Variants in PPP2R5C observed in about 807,000 individuals in gnomAD.
PPP2R5C encodes the protein protein phosphatase 2 regulatory subunit B'gamma.
In PPP2R5C, 7 loss-of-function variants were observed where a neutral mutation model predicts 68.9. The observed-to-expected ratio is 0.10, with a 90% CI of 0.06 to 0.19. PPP2R5C has a LOEUF of 0.19. Among genes scored for constraint, PPP2R5C ranks in the 10% least tolerant of loss-of-function variants. PPP2R5C has a pLI of 1.00. For synonymous variants in PPP2R5C, 210 were observed against 222.2 expected, an observed-to-expected ratio of 0.95 and a Z score of 0.49; for missense variants, 348 against 641.3, an observed-to-expected ratio of 0.54 and a Z score of 4.94.
At chr14:101,843,198 C>T (rs180991855) in intron 1 of PPP2R5C, among the ~76,000 whole-genome samples, 37 of 152,170 alleles carry the variant, frequency 2.4e-4, no homozygotes, top group Middle Eastern at 6.8e-3. Flanking sequence ...ACTGCACTCC[C>T]GCCTGGGTGA....
chr14:101,761,712 G>T (rs2036545461), upstream of PPP2R5C: 1 of 684,208 alleles, frequency 1.5e-6, no homozygotes, highest in Non-Finnish European at 1.8e-6. Context: ...CGCCGCCGCC[G>T]CCGTGGCTGC....
chr14:101,796,966 C>A, intron 3 of PPP2R5C: 5 of 315,250 alleles, frequency 1.6e-5, no homozygotes, highest in Non-Finnish European at 3.2e-5. Context: ...TTATTTTAAC[C>A]ATTCATAAGT....
At chr14:101,873,524 A>T (rs2043554867) in intron 2 of PPP2R5C, among the ~76,000 whole-genome samples, 1 of 152,082 alleles carries the variant, frequency 6.6e-6, no homozygotes, top group Admixed American at 6.5e-5. Flanking sequence ...TGCCCTATGG[A>T]TTATGAATTT....
In PPP2R5C at chr14:101,877,333, A is replaced by G. The variant is rs950099225; in HGVS notation, c.295-4828A>G. On this transcript the variant is annotated intron_variant, in intron 2 of 13. Coordinates refer to ENST00000334743, the Ensembl canonical transcript of PPP2R5C. The surrounding 1 kb of genome is among the most constrained non-coding windows in gnomAD (Gnocchi z 4.2). Reference sequence around the variant, plus strand: ...CTTCTTCTAGGTGGGAAGAGGGTGTAGAGAGACTGTTTCCATGAGGCTGTG... The same window carrying G: ...CTTCTTCTAGGTGGGAAGAGGGTGTGGAGAGACTGTTTCCATGAGGCTGTG... 6.6e-6 allele frequency among the ~76,000 whole-genome samples: 1 copy of G among 152,076 alleles called. No homozygotes were observed. The highest frequency in any genetic ancestry group is 1.5e-5 in the Non-Finnish European group (1 of 68,016).
chr14:101,867,972 T>A (rs1160587939), intron 2 of PPP2R5C, among the ~76,000 whole-genome samples: 3 of 152,170 alleles, frequency 2.0e-5, no homozygotes, highest in Non-Finnish European at 2.9e-5. Flanking sequence ...TAGGATCTGT[T>A]GGCCGGGTCC....
Position 101,781,986 on chromosome 14 carries a change from TCC to T in PPP2R5C, c.94-4031_94-4030del, listed in dbSNP as rs1226284101. 8.0e-5 allele frequency among the ~76,000 whole-genome samples: 12 copies of T among 149,990 alleles called. No homozygotes were observed. Among genetic ancestry groups the T allele is most frequent in the African/African-American group, 3.0e-4 (12 of 40,618 alleles). On this transcript the variant is annotated intron_variant, in intron 2 of 14. Transcript: ENST00000328724. The surrounding 1 kb of genome is among the most constrained non-coding windows in gnomAD (Gnocchi z 6.4). ...AAGGGAGCCCCTCGCCCTCTCTCTC[TCC>T]TTCCCTCATTCCCTTCATCCTTCTC...
At chr14:101,767,293 A>AT (rs1338745192) in intron 2 of PPP2R5C, among the ~76,000 whole-genome samples, 3 of 152,160 alleles carry the variant, frequency 2.0e-5, no homozygotes, top group Admixed American at 6.5e-5. Flanking sequence ...CGGAAGGGTA[A>AT]TTTTTTTAGA....
chr14:101,765,344 T>G, intron 2 of PPP2R5C: 1 of 676,192 alleles, frequency 1.5e-6, no homozygotes, highest in South Asian at 1.5e-5. Context: ...ATTTGACCTT[T>G]GAGTTGACCC....
At chr14:101,784,989 T>C (rs2038023022) in intron 2 of PPP2R5C, among the ~76,000 whole-genome samples, 1 of 152,174 alleles carries the variant, frequency 6.6e-6, no homozygotes, top group Non-Finnish European at 1.5e-5. Flanking sequence ...GTTCCTCTGC[T>C]TCGTGCATCT....
chr14:101,878,687 G>T (rs575293937), intron 2 of PPP2R5C, among the ~76,000 whole-genome samples: 1 of 152,192 alleles, frequency 6.6e-6, no homozygotes, highest in African/African-American at 2.4e-5. Flanking sequence ...ACTGCAGGCC[G>T]CAGGTGGACT....
chr14:101,767,269 G>A (rs569428928), intron 2 of PPP2R5C, among the ~76,000 whole-genome samples: 17 of 152,282 alleles, frequency 1.1e-4, no homozygotes, highest in African/African-American at 3.6e-4. Context: ...GCCTCAGGTC[G>A]CATAGGTGCT....
intron 9 of PPP2R5C, among the ~76,000 whole-genome samples, chr14:101,905,661 A>G (rs2045979584): frequency 6.6e-6 from 1 of 151,850 alleles, no homozygotes; most frequent in African/African-American, 2.4e-5. Flanking sequence ...CCATCTCAAA[A>G]AAAAAAAAGA....
rs928376457 is a variant in PPP2R5C, at chr14:101,797,754, A to G, written c.259+11571A>G. The G allele has an allele frequency of 6.3e-6, 1 of 158,298 alleles. No individual in the cohort carries two copies. Among genetic ancestry groups the G allele is most frequent in the Non-Finnish European group, 1.4e-5 (1 of 71,800 alleles). The allele number at this position is 158,298 out of a possible 1,614,324, so 9.8% of individuals were successfully genotyped here. A position where few individuals can be genotyped will look rare whatever the true frequency, so the allele number is the denominator to read the frequency against. ...CGTTGGTTCCCTACGTTCTTAGAAC[A>G]AGGAAGGAGTGTGAGTACTTGCTTT... On this transcript the variant is annotated intron_variant, in intron 3 of 14. Transcript: ENST00000328724. The surrounding 1 kb of genome is among the most constrained non-coding windows in gnomAD (Gnocchi z 4.2).
intron 1 of PPP2R5C, chr14:101,824,121 T>C (rs2040255219): frequency 7.8e-7 from 1 of 1,288,146 alleles, no homozygotes. Context: ...TCCCGAGAGA[T>C]TCATGTTCAA....
At chr14:101,799,240 G>T (rs1566847464) in intron 3 of PPP2R5C, among the ~76,000 whole-genome samples, 1 of 152,180 alleles carries the variant, frequency 6.6e-6, no homozygotes, top group Non-Finnish European at 1.5e-5. Context: ...GGATCTTTCT[G>T]TTGGCAGATG....
At chr14:101,873,274 C>T (rs1377464170) in intron 2 of PPP2R5C, among the ~76,000 whole-genome samples, 6 of 152,146 alleles carry the variant, frequency 3.9e-5, no homozygotes, top group Non-Finnish European at 8.8e-5. Flanking sequence ...AAATCCTTCT[C>T]CTGCTTCTTT....
intron 1 of PPP2R5C, among the ~76,000 whole-genome samples, chr14:101,846,525 A>G (rs188909020): frequency 2.6e-5 from 4 of 152,360 alleles, no homozygotes; most frequent in Admixed American, 2.6e-4. Context: ...GATTAACCCA[A>G]TTTTGAAGTT....
intron 1 of PPP2R5C, among the ~76,000 whole-genome samples, chr14:101,842,032 C>G (rs758295630): frequency 2.8e-4 from 43 of 152,302 alleles, no homozygotes; most frequent in Non-Finnish European, 3.7e-4. Flanking sequence ...AGGTTCCCCC[C>G]ACCAAACCCT....
chr14:101,922,480 C>T (rs1390766220), intron 13 of PPP2R5C, among the ~76,000 whole-genome samples: 1 of 149,090 alleles, frequency 6.7e-6, no homozygotes, highest in Admixed American at 6.7e-5. Context: ...CAGAGCGAGA[C>T]TCTGTGTCAA....
Sources: allele counts gnomAD v4.1 joint callset (sites outside exome capture counted in the v4.1 genomes callset), GRCh38; gene constraint gnomAD v4.1.1; non-coding constraint Gnocchi (gnomAD v3.1); transcripts MANE v1.5; gene names NCBI Gene and HGNC (gene_info 2026-07-23, HGNC 2026-07-21).